USP36: variants seen among roughly 807,000 people sequenced by gnomAD.
USP36 encodes ubiquitin specific peptidase 36, also known as ubiquitin carboxyl-terminal hydrolase 36.
Under a neutral mutation model 111.5 loss-of-function variants are expected in USP36, and 59 were observed. The ratio of observed to expected loss-of-function variants is 0.53; its 90% CI spans 0.43 to 0.66. The LOEUF (loss-of-function observed/expected upper bound fraction) is 0.66. Among genes scored for constraint, USP36 ranks in the 30% least tolerant of loss-of-function variants. The pLI is 0.00. For missense variants in USP36, 1,488 were observed against 1,468.0 expected, an observed-to-expected ratio of 1.01 and a Z score of -0.22; for synonymous variants, 628 against 581.0, an observed-to-expected ratio of 1.08 and a Z score of -1.16.
At position 78,806,289 on chromosome 17, in the gene USP36, G is replaced by A. The variant is rs1358664201; in HGVS notation, c.2086-3C>T. The A allele has an allele frequency of 6.2e-7, 1 of 1,613,684 alleles. No homozygotes were observed. Among genetic ancestry groups the A allele is most frequent in the Non-Finnish European group, 8.5e-7 (1 of 1,179,946 alleles). ...GTCGCCCTCCACAGGGTGCTGGCCT[G>A]CAGTTATCGACATAAATAAAAACTT... On this transcript the variant is annotated splice_region_variant and splice_polypyrimidine_tract_variant and intron_variant, in intron 14 of 20. Transcript: ENST00000449938.
chr17:78,811,174 G>GTCCA (rs921986720), intron 13 of USP36, among the ~76,000 whole-genome samples: 1 of 150,590 alleles, frequency 6.6e-6, no homozygotes, highest in Non-Finnish European at 1.5e-5. Flanking sequence ...CATCAAGAGG[G>GTCCA]TCCACCCCAC....
At position 78,836,229 on chromosome 17, in the gene USP36, G is replaced by A. The variant is rs762672082; in HGVS notation, c.135C>T (p.Ala45=). 5.6e-6 allele frequency: 9 copies of A among 1,614,140 alleles called. No homozygotes were observed. The highest frequency in any genetic ancestry group is 5.9e-6 in the Non-Finnish European group (7 of 1,180,038). ...VLLQKIEFEP[A]SKSFSYQLEA... ...CCAGCTGGTAGGAGAAGCTCTTGCT[G>A]GCTGGCTCGAACTCGATTTTCTGTA... The change falls in exon 3 of 21, where the codon GCC becomes GCT. Residue 45 remains alanine, a synonymous_variant. Transcript: ENST00000449938.
intron 15 of USP36, among the ~76,000 whole-genome samples, chr17:78,805,414 C>A (rs1598993037): frequency 6.6e-6 from 1 of 152,108 alleles, no homozygotes. Flanking sequence ...AGGCTGTGGG[C>A]GACGCACAGT....
At chr17:78,819,659 C>G (rs1268640489) in intron 9 of USP36, among the ~76,000 whole-genome samples, 1 of 152,248 alleles carries the variant, frequency 6.6e-6, no homozygotes, top group Admixed American at 6.5e-5. Context: ...TCAGTTTCAC[C>G]ATCCCTAGCA....
chr17:78,805,005 C>T (rs1399791049), intron 15 of USP36, among the ~76,000 whole-genome samples: 2 of 152,048 alleles, frequency 1.3e-5, no homozygotes, highest in Non-Finnish European at 2.9e-5. Context: ...GACACAGATG[C>T]GTAGAGCAGA....
intron 10 of USP36, among the ~76,000 whole-genome samples, chr17:78,814,932 A>T (rs533478214): frequency 1.4e-4 from 22 of 152,252 alleles, no homozygotes; most frequent in Admixed American, 1.4e-3. Context: ...CCTGGGCGAC[A>T]GAGCGAGACT....
In USP36 at chr17:78,799,676, C is replaced by A. The variant is rs555755023; in HGVS notation, c.3115G>T (p.Gly1039Trp). 1 of 1,612,158 alleles carries A rather than the reference C, an allele frequency of 6.2e-7. No homozygotes were observed. The highest frequency in any genetic ancestry group is 1.1e-5 in the South Asian group (1 of 90,676). The stretch of plus-strand genomic sequence containing the variant: ...GTCTCCAAATCAGTACCTTTTCTCC[C>A]GTAAGCTTTATCAGATGAGTATTTG... ...LLKYSSDKAY[G>W]RKVLTWDGKM... is the part of the protein sequence containing the mutation. Residue 1039 changes from glycine to tryptophan, a missense_variant, in exon 18 of 21, where the codon GGG becomes TGG. Physicochemically the swap from Gly to Trp is radical, Grantham distance 184. Around this residue, in one of 3 missense-constraint regions of USP36, gnomAD observed 1,073 missense variants for 994.1 expected, o/e 1.08. Coordinates refer to ENST00000449938, the MANE Select transcript of USP36 (RefSeq NM_001385174.1).
chr17:78,811,130 C>CAAAAAAAAAAAA, intron 13 of USP36, among the ~76,000 whole-genome samples: 1 of 28,348 alleles, frequency 3.5e-5, no homozygotes, highest in Non-Finnish European at 7.5e-5. Context: ...GACTCTGTCT[C>CAAAAAAAAAAAA]AAAAAAAAAA....
chr17:78,840,497 G>A (rs2069180582), intron 1 of USP36: 1 of 152,486 alleles, frequency 6.6e-6, no homozygotes, highest in African/African-American at 2.4e-5. Context: ...GGCGAGGACA[G>A]CCCGGCCCCG....
At position 78,797,110 on chromosome 17, in the gene USP36, G is replaced by C. The variant is rs2093640772; in HGVS notation, c.*790C>G. 1.3e-5 allele frequency: 2 copies of C among 152,220 alleles called. No homozygotes were observed. Among genetic ancestry groups the C allele is most frequent in the South Asian group, 2.1e-4 (1 of 4,830 alleles). 9.4% of individuals were successfully genotyped at this position (152,220 alleles called of 1,614,324 possible). A position where few individuals can be genotyped will look rare whatever the true frequency, so the allele number is the denominator to read the frequency against. ...TTTGTATTAAGTAGTAAAATAAATGGAGAATTCTACCCCAAAGCCTCCACC... is the reference window on the plus strand; with the variant it reads ...TTTGTATTAAGTAGTAAAATAAATGCAGAATTCTACCCCAAAGCCTCCACC... On this transcript the variant is annotated 3_prime_UTR_variant, in exon 21 of 21. Coordinates refer to ENST00000449938, the MANE Select transcript of USP36 (RefSeq NM_001385174.1).
At chr17:78,802,910 A>G (rs900422964) in intron 16 of USP36, among the ~76,000 whole-genome samples, 2 of 152,128 alleles carry the variant, frequency 1.3e-5, no homozygotes, top group Non-Finnish European at 2.9e-5. Context: ...TCAAGGATCA[A>G]TCCACTGGTA....
downstream of USP36, among the ~76,000 whole-genome samples, chr17:78,790,818 G>T (rs527937362): frequency 2.0e-5 from 3 of 152,156 alleles, no homozygotes. Context: ...TCTCATGATG[G>T]TAAGAAGCTA....
chr17:78,835,203 C>G, intron 4 of USP36, 77 bp downstream of exon 4: 2 of 1,448,320 alleles, frequency 1.4e-6, no homozygotes, highest in Admixed American at 1.9e-5. Context: ...AGACTGAGAG[C>G]AGCAGTGCCA....
chr17:78,828,170 C>T (rs2067748248), intron 5 of USP36, among the ~76,000 whole-genome samples: 1 of 152,182 alleles, frequency 6.6e-6, no homozygotes, highest in African/African-American at 2.4e-5. Flanking sequence ...GCTGTGATTG[C>T]ACCACTGTCC....
At chr17:78,799,175 G>A (rs568387504) in intron 18 of USP36, 152 bp from the exon 19 acceptor site, 9 of 760,694 alleles carry the variant, frequency 1.2e-5, no homozygotes, top group East Asian at 5.2e-5. Flanking sequence ...AGAGGAGGAC[G>A]GCTCGACGCC....
In USP36 at chr17:78,803,171, A is replaced by C. The variant is rs1342354057; in HGVS notation, c.2810+214T>G. On this transcript the variant is annotated intron_variant, in intron 16 of 20. Coordinates refer to ENST00000449938, the MANE Select transcript of USP36 (RefSeq NM_001385174.1). The surrounding 1 kb of genome is among the most constrained non-coding windows in gnomAD (Gnocchi z 4.6). ...AGGCTGGTCTCAAACTCCTGGGTTG[A>C]AGTGATCCACCCGCCTCAGCCTCCC... Among the ~76,000 whole-genome samples the C allele has an allele frequency of 6.6e-6, 1 of 152,018 alleles. No homozygotes were observed. Among genetic ancestry groups the C allele is most frequent in the African/African-American group, 2.4e-5 (1 of 41,386 alleles).
chr17:78,832,712 G>C (rs1051730101), intron 4 of USP36, among the ~76,000 whole-genome samples: 7 of 152,300 alleles, frequency 4.6e-5, no homozygotes, highest in African/African-American at 1.7e-4. Context: ...GCCCTGACAG[G>C]CCTGGGATAG....
intron 10 of USP36, among the ~76,000 whole-genome samples, chr17:78,815,818 C>T (rs2094166502): frequency 6.7e-6 from 1 of 148,914 alleles, no homozygotes. Context: ...ATCGTATACA[C>T]ACATGCACAC....
At chr17:78,821,405 TATA>T (rs2094320380) in intron 7 of USP36, 1 of 59,666 alleles carries the variant, frequency 1.7e-5, no homozygotes, top group African/African-American at 8.8e-5. Flanking sequence ...TATATATATA[TATA>T]TATATATATA....
Sources: allele counts gnomAD v4.1 joint callset (sites outside exome capture counted in the v4.1 genomes callset), GRCh38; gene constraint gnomAD v4.1.1; regional missense constraint gnomAD v4.1.1; non-coding constraint Gnocchi (gnomAD v3.1); transcripts MANE v1.5; gene names NCBI Gene and HGNC (gene_info 2026-07-23, HGNC 2026-07-21).